Variants in TECRL observed in about 807,000 individuals in gnomAD.
The protein encoded by TECRL is trans-2,3-enoyl-CoA reductase like.
In TECRL, 63 loss-of-function variants were observed where a neutral mutation model predicts 52.8. The ratio of observed to expected loss-of-function variants is 1.19; its 90% CI spans 0.97 to 1.47. The LOEUF is 1.47. Among genes scored for constraint, TECRL ranks in the 40% most tolerant of loss-of-function variants. TECRL has a pLI of 0.00. For synonymous variants in TECRL, 164 were observed against 141.9 expected (o/e 1.16, Z -1.10); for missense variants, 482 against 429.6 (o/e 1.12, Z -1.08).
intron 2 of TECRL, among the ~76,000 whole-genome samples, chr4:64,365,316 C>T (rs569591953): frequency 3.3e-5 from 5 of 152,012 alleles, no homozygotes; most frequent in East Asian, 1.9e-4. Flanking sequence ...CACCCGATAC[C>T]GTAAACAAGA....
rs116804882 is a variant in TECRL, at chr4:64,282,910, T to C, written c.833-1351A>G. Among the ~76,000 whole-genome samples, 1,242 of 152,152 alleles carry C rather than the reference T, an allele frequency of 8.2e-3. 13 individuals carry two copies. Among genetic ancestry groups the C allele is most frequent in the African/African-American group, 0.029 (1,205 of 41,548 alleles). The stretch of plus-strand genomic sequence containing the variant: ...CAACCTATAGTTATTATAATAGAGC[T>C]TCTATTAAATTAAAGTCAGGAGGTT... On this transcript the variant is annotated intron_variant, in intron 9 of 11. Coordinates refer to ENST00000381210, the MANE Select transcript of TECRL (RefSeq NM_001010874.5).
At chr4:64,337,112 A>T (rs1378735539) in intron 2 of TECRL, among the ~76,000 whole-genome samples, 2 of 151,940 alleles carry the variant, frequency 1.3e-5, no homozygotes, top group Non-Finnish European at 2.9e-5. Context: ...GTGGGGTGTT[A>T]AAGTCTCCCA....
At chr4:64,328,657 A>G in intron 2 of TECRL, 101 bp from the exon 3 acceptor site, 1 of 977,338 alleles carries the variant, frequency 1.0e-6, no homozygotes, top group Non-Finnish European at 1.6e-6. Context: ...TAGGAAGTAA[A>G]TAAAATGGGT....
chr4:64,312,939 T>C (rs1198401323), intron 5 of TECRL, among the ~76,000 whole-genome samples: 1 of 152,168 alleles, frequency 6.6e-6, no homozygotes. Flanking sequence ...AAATAATTGG[T>C]CATTCCTTTC....
At chr4:64,338,061 A>C (rs191199970) in intron 2 of TECRL, among the ~76,000 whole-genome samples, 4 of 152,328 alleles carry the variant, frequency 2.6e-5, no homozygotes, top group Admixed American at 2.6e-4. Context: ...CCAAAACAGC[A>C]TGGTACTGGT....
intron 2 of TECRL, among the ~76,000 whole-genome samples, chr4:64,340,351 C>T (rs1046441394): frequency 6.6e-6 from 1 of 152,212 alleles, no homozygotes; most frequent in African/African-American, 2.4e-5. Context: ...CCAGGAATCC[C>T]TGAACTCTCA....
chr4:64,403,663 G>A (rs1361543946), intron 1 of TECRL, among the ~76,000 whole-genome samples: 1 of 151,818 alleles, frequency 6.6e-6, no homozygotes, highest in Non-Finnish European at 1.5e-5. Flanking sequence ...TAAGGAAAAA[G>A]AAATCACACT....
intron 4 of TECRL, among the ~76,000 whole-genome samples, chr4:64,315,400 C>T (rs151016896): frequency 8.4e-4 from 128 of 152,050 alleles, no homozygotes; most frequent in African/African-American, 3.0e-3. Flanking sequence ...TGAAAAAAGA[C>T]GAAGTGATTG....
intron 6 of TECRL, among the ~76,000 whole-genome samples, chr4:64,308,383 C>A (rs199897957): frequency 6.6e-6 from 1 of 152,122 alleles, no homozygotes; most frequent in Non-Finnish European, 1.5e-5. Context: ...TTCAGCTTCC[C>A]CCCTCCACAG....
At chr4:64,397,130 C>CT (rs1724010542) in intron 1 of TECRL, among the ~76,000 whole-genome samples, 1 of 152,006 alleles carries the variant, frequency 6.6e-6, no homozygotes, top group South Asian at 2.1e-4. Flanking sequence ...TTATCTTGAA[C>CT]TTTTTTGCTA....
At chr4:64,315,381 A>T (rs1180931715) in intron 4 of TECRL, among the ~76,000 whole-genome samples, 1 of 152,116 alleles carries the variant, frequency 6.6e-6, no homozygotes, top group Non-Finnish European at 1.5e-5. Flanking sequence ...CAATATTTGG[A>T]AAGGTAATTG....
intron 1 of TECRL, among the ~76,000 whole-genome samples, chr4:64,404,403 C>T (rs1235459108): frequency 4.0e-5 from 6 of 151,892 alleles, no homozygotes; most frequent in Non-Finnish European, 8.8e-5. Context: ...TGACATTTTA[C>T]AAGAAAGAAA....
intron 1 of TECRL, among the ~76,000 whole-genome samples, chr4:64,397,151 C>T (rs1266812012): frequency 6.6e-6 from 1 of 152,044 alleles, no homozygotes; most frequent in Non-Finnish European, 1.5e-5. Context: ...ATTAGTGTGT[C>T]ATGCACATTT....
chr4:64,314,697 T>C lies in TECRL; in HGVS notation c.502A>G (p.Ile168Val), dbSNP rs1174469906. The C allele has an allele frequency of 1.2e-6, 2 of 1,613,284 alleles. No individual in the cohort carries two copies. Among genetic ancestry groups the C allele is most frequent in the African/African-American group, 2.7e-5 (2 of 74,734 alleles). The part of the protein sequence containing the change: ...YLLFYLRIPC[I>V]YDGKESARRL... ...CTAGCACTCTCTTTTCCATCATATA[T>C]ACATGGGATCCTCAAATAAAAGAGG... Residue 168 changes from isoleucine to valine, a missense_variant, in exon 5 of 12, where the codon ATA becomes GTA. Coordinates refer to ENST00000381210, the MANE Select transcript of TECRL (RefSeq NM_001010874.5).
chr4:64,320,485 A>T (rs1410252757), intron 4 of TECRL, among the ~76,000 whole-genome samples: 1 of 151,990 alleles, frequency 6.6e-6, no homozygotes, highest in African/African-American at 2.4e-5. Context: ...TGTGTGATCC[A>T]TGGGGTTGAT....
chr4:64,382,240 T>C (rs1351395939), intron 1 of TECRL, among the ~76,000 whole-genome samples: 3 of 126,952 alleles, frequency 2.4e-5, no homozygotes, highest in Non-Finnish European at 5.0e-5. Context: ...TATATAGTAT[T>C]ATGTATATAT....
chr4:64,374,256 A>T (rs4299619), intron 2 of TECRL, among the ~76,000 whole-genome samples: 134,654 of 150,466 alleles, frequency 0.89, 60,956 homozygotes, highest in East Asian at 1. Flanking sequence ...TAGGCTTTCC[A>T]TTTCATTACG....
intron 2 of TECRL, among the ~76,000 whole-genome samples, chr4:64,335,098 G>A (rs112549290): frequency 1.6e-4 from 24 of 152,248 alleles, no homozygotes; most frequent in Non-Finnish European, 2.8e-4. Context: ...TAAGGCAGGG[G>A]TCTCCAACCC....
intron 2 of TECRL, among the ~76,000 whole-genome samples, chr4:64,331,420 C>T (rs1039627745): frequency 3.9e-5 from 6 of 152,056 alleles, no homozygotes; most frequent in African/African-American, 1.2e-4. Flanking sequence ...ACTATGCATT[C>T]AGTTTAGGTA....
Sources: allele counts gnomAD v4.1 joint callset (sites outside exome capture counted in the v4.1 genomes callset), GRCh38; gene constraint gnomAD v4.1.1; transcripts MANE v1.5; gene names NCBI Gene and HGNC (gene_info 2026-07-23, HGNC 2026-07-21).